Variants in IDO2 observed in about 807,000 individuals in gnomAD.
The protein encoded by IDO2 is indoleamine 2,3-dioxygenase-like 1 protein.
A neutral mutation model predicts 45.1 loss-of-function variants in IDO2; 46 were observed. The observed-to-expected ratio is 1.02, with a 90% CI of 0.80 to 1.30. The LOEUF is 1.30. Ranked by LOEUF, IDO2 falls within the 50% of genes most tolerant of loss-of-function variation. The pLI is 0.00. For missense variants in IDO2, 544 were observed against 491.8 expected, an observed-to-expected ratio of 1.11 and a Z score of -1.00; for synonymous variants, 218 against 184.9, an observed-to-expected ratio of 1.18 and a Z score of -1.45.
At chr8:39,989,869 C>A in intron 8 of IDO2, 31 bp downstream of exon 8, 1 of 1,467,370 alleles carries the variant, frequency 6.8e-7, no homozygotes, top group Non-Finnish European at 9.3e-7. Context: ...CTGAAGGATC[C>A]CCCAGGGGTC....
chr8:40,012,249 TCATAA>T (rs1217158771), intron 9 of IDO2, among the ~76,000 whole-genome samples: 19 of 152,220 alleles, frequency 1.2e-4, no homozygotes, highest in African/African-American at 4.3e-4. Context: ...CTGTTTAAAC[TCATAA>T]CAGAGAAAGT....
intron 3 of IDO2, among the ~76,000 whole-genome samples, chr8:39,969,507 T>A (rs1172685241): frequency 1.3e-5 from 2 of 152,144 alleles, no homozygotes; most frequent in Non-Finnish European, 2.9e-5. Flanking sequence ...ATATTGAAAT[T>A]AGGCCAATTA....
At chr8:39,980,146 A>G (rs1285872673) in intron 4 of IDO2, among the ~76,000 whole-genome samples, 1 of 152,198 alleles carries the variant, frequency 6.6e-6, no homozygotes, top group Non-Finnish European at 1.5e-5. Flanking sequence ...AGAATTCATA[A>G]AAACCTCACA....
At chr8:40,003,144 T>G (rs937650338) in intron 8 of IDO2, among the ~76,000 whole-genome samples, 18 of 151,864 alleles carry the variant, frequency 1.2e-4, no homozygotes, top group Admixed American at 1.1e-3. Context: ...CCAAGGTGGG[T>G]GGATCACCTG....
intron 3 of IDO2, among the ~76,000 whole-genome samples, chr8:39,969,859 G>A (rs1808153023): frequency 1.6e-5 from 2 of 128,848 alleles, no homozygotes; most frequent in Admixed American, 8.7e-5. Flanking sequence ...AGGGCAACAA[G>A]AGTAAAACTC....
At chr8:39,953,124 G>A (rs1318888619) in intron 2 of IDO2, among the ~76,000 whole-genome samples, 1 of 151,792 alleles carries the variant, frequency 6.6e-6, no homozygotes, top group Non-Finnish European at 1.5e-5. Context: ...GGCTGGTCTT[G>A]AACTCCTGAC....
At chr8:39,962,976 G>A (rs934624096) in intron 2 of IDO2, among the ~76,000 whole-genome samples, 1 of 152,230 alleles carries the variant, frequency 6.6e-6, no homozygotes, top group Non-Finnish European at 1.5e-5. Context: ...TCTGGGTCAC[G>A]GGTTTCATCT....
intron 8 of IDO2, among the ~76,000 whole-genome samples, chr8:39,990,589 C>T (rs1442866543): frequency 1.3e-5 from 2 of 152,222 alleles, no homozygotes; most frequent in East Asian, 1.9e-4. Flanking sequence ...CCTTGTGCCA[C>T]CCTTTTTATT....
At position 39,935,078 on chromosome 8, in the gene IDO2, G is replaced by A; in HGVS notation, c.-158G>A. The A allele has an allele frequency of 2.2e-6, 2 of 901,518 alleles. No individual in the cohort carries two copies. Among genetic ancestry groups the A allele is most frequent in the Non-Finnish European group, 3.8e-6 (2 of 530,876 alleles). The allele number at this position is 901,518 out of a possible 1,614,324, so 55.8% of individuals were successfully genotyped here. The stretch of plus-strand genomic sequence containing the variant: ...ATAAATATTTTAAAGACAAGGATTG[G>A]ATTAGATTTGACATTAGAAATGTAC... On this transcript the variant is annotated 5_prime_UTR_variant, in exon 1 of 11. An upstream open reading frame in the 5' UTR gains an earlier in-frame stop. Coordinates refer to ENST00000502986, the Ensembl canonical transcript of IDO2.
At chr8:39,942,812 A>G (rs998733786) in intron 1 of IDO2, among the ~76,000 whole-genome samples, 3 of 152,218 alleles carry the variant, frequency 2.0e-5, no homozygotes, top group Admixed American at 1.3e-4. Flanking sequence ...CATTTATTCT[A>G]TGACTCAGTT....
chr8:39,970,980 T>C (rs971321764), intron 3 of IDO2, among the ~76,000 whole-genome samples: 2 of 152,080 alleles, frequency 1.3e-5, no homozygotes, highest in South Asian at 4.1e-4. Context: ...TTGGCCAAGA[T>C]GGTCTCTATC....
intron 8 of IDO2, among the ~76,000 whole-genome samples, chr8:39,996,169 C>A (rs934021956): frequency 6.6e-6 from 1 of 151,958 alleles, no homozygotes; most frequent in Non-Finnish European, 1.5e-5. Flanking sequence ...AGACTCTGCT[C>A]CACCACCTCT....
intron 3 of IDO2, among the ~76,000 whole-genome samples, chr8:39,971,005 C>A (rs1808170633): frequency 6.6e-6 from 1 of 152,094 alleles, no homozygotes; most frequent in Non-Finnish European, 1.5e-5. Flanking sequence ...ACCTCGTGAT[C>A]CACCCCCCTT....
intron 2 of IDO2, among the ~76,000 whole-genome samples, chr8:39,961,007 T>C (rs896132667): frequency 6.6e-6 from 1 of 152,170 alleles, no homozygotes; most frequent in Non-Finnish European, 1.5e-5. Context: ...ATGGTCTTGA[T>C]CTCCTGACCT....
chr8:39,942,054 T>C (rs947200221), intron 1 of IDO2, among the ~76,000 whole-genome samples: 1 of 152,030 alleles, frequency 6.6e-6, no homozygotes, highest in Admixed American at 6.6e-5. Flanking sequence ...GATTGCACCA[T>C]TGCACTCCAG....
chr8:40,014,474 T>C (rs941369696), intron 10 of IDO2, among the ~76,000 whole-genome samples: 2 of 152,214 alleles, frequency 1.3e-5, no homozygotes, highest in Non-Finnish European at 2.9e-5. Context: ...ACTCATTCTT[T>C]ATCTTTTTTG....
chr8:39,966,281 C>T (rs953143898), intron 3 of IDO2, among the ~76,000 whole-genome samples: 2 of 152,122 alleles, frequency 1.3e-5, no homozygotes, highest in African/African-American at 4.8e-5. Context: ...CCAGCCTCAG[C>T]CTCCCAAAGC....
intron 9 of IDO2, among the ~76,000 whole-genome samples, chr8:40,009,782 G>A (rs1483353057): frequency 2.0e-5 from 3 of 152,182 alleles, no homozygotes; most frequent in Non-Finnish European, 4.4e-5. Context: ...GTGAGGCACT[G>A]AAAGCAGATT....
chr8:39,959,304 C>A (rs942314391), intron 2 of IDO2, among the ~76,000 whole-genome samples: 1 of 150,754 alleles, frequency 6.6e-6, no homozygotes, highest in South Asian at 2.1e-4. Context: ...TTAGGAGAGA[C>A]GGGGTTTCAC....
Sources: allele counts gnomAD v4.1 joint callset (sites outside exome capture counted in the v4.1 genomes callset), GRCh38; gene constraint gnomAD v4.1.1; transcripts MANE v1.5; gene names NCBI Gene and HGNC (gene_info 2026-07-23, HGNC 2026-07-21).